UBN2: variants seen among roughly 807,000 people sequenced by gnomAD.
UBN2 encodes the protein ubinuclein-2.
A neutral mutation model predicts 120.2 loss-of-function variants in UBN2; 35 were observed. The ratio of observed to expected loss-of-function variants is 0.29; its 90% CI spans 0.22 to 0.39. The LOEUF is 0.39. Among genes scored for constraint, UBN2 ranks in the 10% least tolerant of loss-of-function variants. The pLI, the probability that UBN2 is intolerant of heterozygous loss-of-function variation, is 1.00. For missense variants in UBN2, 1,693 were observed against 1,663.2 expected, an observed-to-expected ratio of 1.02 and a Z score of -0.31; for synonymous variants, 661 against 648.7, an observed-to-expected ratio of 1.02 and a Z score of -0.29.
At chr7:139,325,565 G>A in the UBN2 span, among the ~76,000 whole-genome samples, 3 of 152,028 alleles carry the variant, frequency 2.0e-5, no homozygotes, top group Non-Finnish European at 2.9e-5. Context: ...CACCATGCCC[G>A]GCCGAAATCA....
At chr7:139,255,208 CT>C (rs1796725312) in intron 3 of UBN2, among the ~76,000 whole-genome samples, 1 of 152,108 alleles carries the variant, frequency 6.6e-6, no homozygotes, top group Non-Finnish European at 1.5e-5. Context: ...TAGTATGTAA[CT>C]TTTATAAATA....
intron 17 of UBN2, 57 bp from the exon 18 acceptor site, chr7:139,297,730 G>T: frequency 6.5e-7 from 1 of 1,538,060 alleles, no homozygotes; most frequent in Non-Finnish European, 9.0e-7. Flanking sequence ...CTTTGTTTTT[G>T]TTAGCTGGTT....
chr7:139,328,859 GA>G, the UBN2 span, among the ~76,000 whole-genome samples: 589 of 114,908 alleles, frequency 5.1e-3, 1 homozygote, highest in Middle Eastern at 0.014. Flanking sequence ...CCTGTCTCAA[GA>G]AAAAAAAAAA....
At position 139,273,015 on chromosome 7, in the gene UBN2, G is replaced by A. The variant is rs183811704; in HGVS notation, c.1716-282G>A. On this transcript the variant is annotated intron_variant, in intron 9 of 17. Transcript: ENST00000473989. ...GGTGATCAAGCAAGAGCTGACACTG[G>A]TGAGAGATTTCACAACCCCAGCTTG... Among the ~76,000 whole-genome samples, 3 of 152,344 alleles carry A rather than the reference G, an allele frequency of 2.0e-5. No homozygotes were observed. The East Asian group carries it at 5.8e-4, about 29-fold the overall frequency.
chr7:139,310,001 AG>A (rs1798427467), downstream of UBN2, among the ~76,000 whole-genome samples: 1 of 152,134 alleles, frequency 6.6e-6, no homozygotes, highest in African/African-American at 2.4e-5. Flanking sequence ...GGATAACATG[AG>A]TAAGTAAGTT....
intron 3 of UBN2, among the ~76,000 whole-genome samples, chr7:139,252,401 G>A (rs549202992): frequency 2.0e-5 from 3 of 152,114 alleles, no homozygotes; most frequent in African/African-American, 7.2e-5. Context: ...TAGCATGAGA[G>A]CAGCCATAGA....
intron 2 of UBN2, among the ~76,000 whole-genome samples, chr7:139,245,080 C>T (rs558532243): frequency 1.2e-4 from 18 of 149,898 alleles, no homozygotes; most frequent in Non-Finnish European, 2.4e-4. Flanking sequence ...ACTACAGGCA[C>T]GCATCACCAT....
Position 139,281,993 on chromosome 7 carries a change from G to T in UBN2, c.2068-12G>T. ...ACAGTATTCTTAACAGCTTGCTTAT[G>T]TAATACCTTAGGAGGTGATGGTAAA... On this transcript the variant is annotated splice_polypyrimidine_tract_variant and intron_variant, in intron 13 of 17. Coordinates refer to ENST00000473989, the MANE Select transcript of UBN2 (RefSeq NM_173569.4). 6.2e-7 allele frequency: 1 copy of T among 1,612,810 alleles called. No homozygotes were observed. The highest frequency in any genetic ancestry group is 8.5e-7 in the Non-Finnish European group (1 of 1,179,090).
chr7:139,258,864 C>G (rs993583960), intron 4 of UBN2, among the ~76,000 whole-genome samples: 3 of 151,960 alleles, frequency 2.0e-5, no homozygotes, highest in Admixed American at 2.0e-4. Context: ...TAATAATTTA[C>G]TGTTTCTGGG....
Position 139,283,230 on chromosome 7 carries a change from G to C in UBN2, c.2325G>C (p.Ala775=). 1 of 1,612,984 alleles carries C rather than the reference G, an allele frequency of 6.2e-7. No individual in the cohort carries two copies. Reference sequence around the variant, plus strand: ...TGGATCTTGTTTCTGAAGCTTTAGCGGTTATCAACAATGGGAACAAGGGCC... The same window carrying C: ...TGGATCTTGTTTCTGAAGCTTTAGCCGTTATCAACAATGGGAACAAGGGCC... ...PSLDLVSEAL[A]VINNGNKGPP... Residue 775 remains alanine (A), a synonymous_variant, in exon 15 of 18, where the codon GCG becomes GCC. Transcript: ENST00000473989.
intron 2 of UBN2, among the ~76,000 whole-genome samples, chr7:139,245,679 ATATGT>A (rs1320744931): frequency 6.6e-6 from 1 of 152,222 alleles, no homozygotes; most frequent in East Asian, 1.9e-4. Flanking sequence ...TAGACAAAAA[ATATGT>A]TAGGAGATCA....
In UBN2 at chr7:139,283,162, G is replaced by A. The variant is rs770926228; in HGVS notation, c.2257G>A (p.Asp753Asn). Reference sequence around the variant, plus strand: ...ACCAGCCCAAGAAACCATCTGCCTCGACGACTCACTAGATGAAGACCTTTC... The same window carrying A: ...ACCAGCCCAAGAAACCATCTGCCTCAACGACTCACTAGATGAAGACCTTTC... ...SAPAQETICLDDSLDEDLSFH... is the reference protein window; with the variant it reads ...SAPAQETICLNDSLDEDLSFH... The change falls in exon 15 of 18, where the codon GAC (aspartate) becomes AAC (asparagine). Residue 753 changes from aspartate to asparagine, a missense_variant. Coordinates refer to ENST00000473989, the MANE Select transcript of UBN2 (RefSeq NM_173569.4). The A allele has an allele frequency of 3.1e-6, 5 of 1,611,814 alleles. No homozygotes were observed. The highest frequency in any genetic ancestry group is 1.1e-5 in the South Asian group (1 of 90,888).
the UBN2 span, among the ~76,000 whole-genome samples, chr7:139,325,425 G>A: frequency 6.6e-6 from 1 of 151,724 alleles, no homozygotes; most frequent in African/African-American, 2.4e-5. Flanking sequence ...CCACTACCAC[G>A]CTCAGCTAAT....
intron 15 of UBN2, among the ~76,000 whole-genome samples, chr7:139,292,260 A>AG (rs1489772864): frequency 3.9e-5 from 6 of 152,112 alleles, no homozygotes; most frequent in Admixed American, 1.3e-4. Context: ...CTCAAAAAAA[A>AG]GGGGGCGGAG....
At chr7:139,253,826 A>G (rs569236898) in intron 3 of UBN2, among the ~76,000 whole-genome samples, 1 of 152,260 alleles carries the variant, frequency 6.6e-6, no homozygotes, top group African/African-American at 2.4e-5. Flanking sequence ...AAGCATATAC[A>G]GAAGGTGACA....
chr7:139,294,096 CAT>C, intron 17 of UBN2, 115 bp downstream of exon 17: 2 of 989,556 alleles, frequency 2.0e-6, no homozygotes, highest in Non-Finnish European at 3.1e-6. Context: ...TGCAAATTTT[CAT>C]AGACTGAATC....
chr7:139,270,232 A>C (rs1797229575), intron 8 of UBN2, among the ~76,000 whole-genome samples: 1 of 150,798 alleles, frequency 6.6e-6, no homozygotes, highest in African/African-American at 2.4e-5. Flanking sequence ...AATATTGTGC[A>C]CCTGAGATTC....
At position 139,283,900 on chromosome 7, in the gene UBN2, C is replaced by T. The variant is rs933875785; in HGVS notation, c.2995C>T (p.Leu999=). 1.9e-6 allele frequency: 3 copies of T among 1,614,036 alleles called. No individual in the cohort carries two copies. The highest frequency in any genetic ancestry group is 1.7e-6 in the Non-Finnish European group (2 of 1,180,026). The change falls in exon 15 of 18, where the codon CTG becomes TTG. Residue 999 remains leucine (L), a synonymous_variant. Coordinates refer to ENST00000473989, the MANE Select transcript of UBN2 (RefSeq NM_173569.4). The part of the protein sequence containing the change: ...PGNGSQGSHP[L]VSRTVPSTTT... The stretch of plus-strand genomic sequence containing the variant: ...AAATGGTTCTCAAGGGTCCCACCCC[C>T]TGGTTTCTAGGACAGTACCTAGCAC...
intron 7 of UBN2, 74 bp downstream of exon 7, chr7:139,266,477 G>C: frequency 1.2e-6 from 1 of 831,448 alleles, no homozygotes; most frequent in East Asian, 2.7e-5. Context: ...TTGAGATACT[G>C]AGTGGTTGGC....
Sources: gnomAD v4.1 joint callset for allele counts (sites outside exome capture counted in the v4.1 genomes callset) on GRCh38, gnomAD v4.1.1 for gene constraint, MANE v1.5 for transcripts, NCBI Gene and HGNC (gene_info 2026-07-23, HGNC 2026-07-21) for gene names.